SLC44A1: variants seen among roughly 807,000 people sequenced by gnomAD.
SLC44A1 encodes solute carrier family 44 member 1.
In SLC44A1, 26 loss-of-function variants were observed where a neutral mutation model predicts 79.3. That is an observed-to-expected ratio of 0.33 (90% CI 0.24 to 0.46). SLC44A1 has a LOEUF of 0.46. Among genes scored for constraint, SLC44A1 ranks in the 20% least tolerant of loss-of-function variants. The pLI is 1.00. For synonymous variants in SLC44A1, 263 were observed against 286.2 expected (o/e 0.92, Z 0.82); for missense variants, 688 against 798.1 (o/e 0.86, Z 1.66).
chr9:105,288,908 C>T (rs1830537655), intron 1 of SLC44A1, among the ~76,000 whole-genome samples: 1 of 152,186 alleles, frequency 6.6e-6, no homozygotes, highest in Non-Finnish European at 1.5e-5. Context: ...GAGAATCTTA[C>T]AATAAAGGCT....
Position 105,380,119 on chromosome 9 carries a change from C to T in SLC44A1, c.1633-3004C>T, listed in dbSNP as rs192984475. Reference sequence around the variant, plus strand: ...CTTTTAGAATGCTTATTTTAACAATCGTGGGATGTATGTATTGTTATGTCT... The same window carrying T: ...CTTTTAGAATGCTTATTTTAACAATTGTGGGATGTATGTATTGTTATGTCT... On this transcript the variant is annotated intron_variant, in intron 13 of 15. Coordinates refer to ENST00000374720, the MANE Select transcript of SLC44A1 (RefSeq NM_080546.5). Among the ~76,000 whole-genome samples, 15 of 152,168 alleles carry T rather than the reference C, an allele frequency of 9.9e-5. No homozygotes were observed. In the East Asian group the frequency reaches 2.3e-3, roughly 24 times the overall value.
intron 13 of SLC44A1, among the ~76,000 whole-genome samples, chr9:105,380,288 C>G (rs1427737431): frequency 6.6e-6 from 1 of 152,138 alleles, no homozygotes; most frequent in Non-Finnish European, 1.5e-5. Flanking sequence ...CACATCCTAC[C>G]TAAAGCATGA....
intron 15 of SLC44A1, among the ~76,000 whole-genome samples, chr9:105,428,772 G>A (rs765289630): frequency 1.1e-4 from 17 of 152,048 alleles, no homozygotes; most frequent in East Asian, 3.9e-4. Flanking sequence ...CAATCTCGGC[G>A]CCCTACAGCC....
At chr9:105,332,750 A>G (rs1273302909) in intron 3 of SLC44A1, among the ~76,000 whole-genome samples, 2 of 152,126 alleles carry the variant, frequency 1.3e-5, no homozygotes, top group African/African-American at 4.8e-5. Flanking sequence ...GAATGTTAGT[A>G]TTGTATCCCT....
chr9:105,291,284 T>A (rs776029286), intron 1 of SLC44A1, among the ~76,000 whole-genome samples: 1 of 152,252 alleles, frequency 6.6e-6, no homozygotes, highest in African/African-American at 2.4e-5. Flanking sequence ...ATTCTGAGTG[T>A]ACAACTATTT....
chr9:105,435,784 G>T (rs1267144794), intron 15 of SLC44A1, among the ~76,000 whole-genome samples: 1 of 152,210 alleles, frequency 6.6e-6, no homozygotes, highest in Non-Finnish European at 1.5e-5. Flanking sequence ...TTCACTAGTT[G>T]TGACAAATAT....
At chr9:105,341,930 C>T (rs184588860) in intron 4 of SLC44A1, among the ~76,000 whole-genome samples, 2 of 152,106 alleles carry the variant, frequency 1.3e-5, no homozygotes, top group African/African-American at 4.8e-5. Context: ...TTCTCTTAAG[C>T]CCTCTTGTTT....
intron 1 of SLC44A1, among the ~76,000 whole-genome samples, chr9:105,297,488 A>G (rs1353995706): frequency 1.3e-5 from 2 of 151,844 alleles, no homozygotes; most frequent in African/African-American, 4.8e-5. Flanking sequence ...GGTTCAAGCG[A>G]TTTTCCTGCC....
chr9:105,416,294 T>TAA (rs527373222), intron 15 of SLC44A1, among the ~76,000 whole-genome samples: 7 of 136,982 alleles, frequency 5.1e-5, no homozygotes, highest in African/African-American at 1.6e-4. Context: ...CCAGGCAAGA[T>TAA]AAAAAAAAAA....
chr9:105,328,649 G>A (rs1826656546), intron 3 of SLC44A1, among the ~76,000 whole-genome samples: 1 of 152,202 alleles, frequency 6.6e-6, no homozygotes, highest in Non-Finnish European at 1.5e-5. Flanking sequence ...TGAATTACCA[G>A]AAAGGGCCAT....
Position 105,389,681 on chromosome 9 carries a change from A to G in SLC44A1, c.*625A>G, listed in dbSNP as rs528312982. 7 of 1,237,306 alleles carry G rather than the reference A, an allele frequency of 5.7e-6. No individual in the cohort carries two copies. The African/African-American group carries it at 9.3e-5, about 16-fold the overall frequency. The allele number at this position is 1,237,306 out of a possible 1,614,324, so 76.6% of individuals were successfully genotyped here. ...GTCAGCCAACATTAAAAGGTAACCA[A>G]CTCCTCAGGTATTTGTAGTTTACCC... On this transcript the variant is annotated 3_prime_UTR_variant, in exon 16 of 16. Coordinates refer to ENST00000374720, the MANE Select transcript of SLC44A1 (RefSeq NM_080546.5).
chr9:105,397,370 C>T (rs1484547849), downstream of SLC44A1: 1 of 982,394 alleles, frequency 1.0e-6, no homozygotes. Flanking sequence ...TGTGTTGTAA[C>T]ACTTCCCCAT....
chr9:105,435,906 A>C (rs1829458046), intron 15 of SLC44A1, among the ~76,000 whole-genome samples: 1 of 152,204 alleles, frequency 6.6e-6, no homozygotes, highest in Non-Finnish European at 1.5e-5. Context: ...TAAAATTAAA[A>C]AGTTTATTTG....
intron 1 of SLC44A1, among the ~76,000 whole-genome samples, chr9:105,287,164 G>A (rs1830497907): frequency 6.6e-6 from 1 of 152,170 alleles, no homozygotes; most frequent in South Asian, 2.1e-4. Flanking sequence ...ACAGGTTTCA[G>A]AATTGAAGTT....
At chr9:105,426,236 G>A (rs1829321608) in intron 15 of SLC44A1, among the ~76,000 whole-genome samples, 1 of 152,178 alleles carries the variant, frequency 6.6e-6, no homozygotes, top group Non-Finnish European at 1.5e-5. Flanking sequence ...AGGTGGCAAT[G>A]GCATAGTTGT....
intron 4 of SLC44A1, among the ~76,000 whole-genome samples, chr9:105,344,784 A>G (rs1220882842): frequency 2.0e-5 from 3 of 152,180 alleles, no homozygotes. Context: ...GAGATGATAT[A>G]TAAACAAAAA....
chr9:105,388,027 C>A (rs1480877888), intron 15 of SLC44A1, among the ~76,000 whole-genome samples: 1 of 152,114 alleles, frequency 6.6e-6, no homozygotes, highest in Non-Finnish European at 1.5e-5. Context: ...TCATTGCTTG[C>A]AGATTAATGG....
At position 105,394,898 on chromosome 9, in the gene SLC44A1, C is replaced by T. The variant is rs905813411; in HGVS notation, c.*5842C>T. 1.4e-5 allele frequency: 14 copies of T among 985,362 alleles called. No individual in the cohort carries two copies. In the African/African-American group the frequency reaches 1.9e-4, roughly 14 times the overall value. The allele number at this position is 985,362 out of a possible 1,614,324, so 61.0% of individuals were successfully genotyped here. A position where few individuals can be genotyped will look rare whatever the true frequency, so the allele number is the denominator to read the frequency against. ...AGATTCCTCTGCCAATAGAACTCCA[C>T]CCCCAGTCCCTTACCTACTCTATCT... is the stretch of plus-strand genomic sequence containing the variant. On this transcript the variant is annotated 3_prime_UTR_variant, in exon 16 of 16. Coordinates refer to ENST00000374720, the MANE Select transcript of SLC44A1 (RefSeq NM_080546.5).
intron 13 of SLC44A1, 110 bp downstream of exon 13, chr9:105,374,845 C>A (rs1828227253): frequency 5.1e-6 from 4 of 782,116 alleles, no homozygotes; most frequent in Non-Finnish European, 8.3e-6. Flanking sequence ...TAATATATAG[C>A]GAGTACTTAG....
Sources: allele counts gnomAD v4.1 joint callset (sites outside exome capture counted in the v4.1 genomes callset), GRCh38; gene constraint gnomAD v4.1.1; transcripts MANE v1.5; gene names NCBI Gene and HGNC (gene_info 2026-07-23, HGNC 2026-07-21).